The following CABIN1 variants were observed in gnomAD, a reference collection of about 807,000 sequenced individuals.
The protein encoded by CABIN1 is calcineurin binding protein 1.
CABIN1 carries 133 observed loss-of-function variants against 227.7 expected under a neutral mutation model. The ratio of observed to expected loss-of-function variants is 0.58; its 90% CI spans 0.51 to 0.67. The LOEUF is 0.67. CABIN1 is among the 30% of genes least tolerant of loss of function. The pLI is 0.00. For missense variants in CABIN1, 2,408 were observed against 2,852.5 expected, an observed-to-expected ratio of 0.84 and a Z score of 3.55; for synonymous variants, 1,086 against 1,155.1, an observed-to-expected ratio of 0.94 and a Z score of 1.21.
At chr22:24,086,225 C>T (rs919861360) in intron 22 of CABIN1, among the ~76,000 whole-genome samples, 2 of 152,254 alleles carry the variant, frequency 1.3e-5, no homozygotes, top group Non-Finnish European at 2.9e-5. Flanking sequence ...TGAGTGCTTA[C>T]TGCGCCACAG....
In CABIN1 at chr22:24,054,946, C is replaced by T. The variant is rs1364173383; in HGVS notation, c.880C>T (p.Leu294Phe). ...CACCTGTGAGCCCCCACGTCCCAGC[C>T]TTGGCAAAAGGATTGATTTGTCGGA... ...LTTCEPPRPSLGKRIDLSDYQ... is the reference protein window; with the variant it reads ...LTTCEPPRPSFGKRIDLSDYQ... The change falls in exon 9 of 37, where the codon CTT becomes TTT. Residue 294 changes from leucine to phenylalanine, a missense_variant. Leu to Phe is a conservative substitution (Grantham distance 22). Coordinates refer to ENST00000263119, the MANE Select transcript of CABIN1 (RefSeq NM_012295.4). The T allele has an allele frequency of 6.2e-7, 1 of 1,614,250 alleles. No homozygotes were observed. Among genetic ancestry groups the T allele is most frequent in the East Asian group, 2.2e-5 (1 of 44,878 alleles).
intron 20 of CABIN1, among the ~76,000 whole-genome samples, chr22:24,083,795 A>C (rs1247625422): frequency 3.3e-5 from 5 of 152,184 alleles, no homozygotes; most frequent in Admixed American, 3.3e-4. Context: ...AACTACCCTA[A>C]AACCAAAAAA....
chr22:24,067,058 C>A lies in CABIN1; in HGVS notation c.2109C>A (p.Gly703=). 1.9e-6 allele frequency: 3 copies of A among 1,614,156 alleles called. No homozygotes were observed. The highest frequency in any genetic ancestry group is 2.5e-6 in the Non-Finnish European group (3 of 1,180,020). ...AGATTCAGCGGCTGTATGAAGCAGGCGACTACAAGGCTGTTGTGCATCTGC... is the reference window on the plus strand; with the variant it reads ...AGATTCAGCGGCTGTATGAAGCAGGAGACTACAAGGCTGTTGTGCATCTGC... The part of the protein sequence containing the change: ...LEEIQRLYEA[G]DYKAVVHLLR... The change falls in exon 16 of 37, where the codon GGC becomes GGA. Residue 703 remains glycine, a synonymous_variant. Transcript: ENST00000263119.
Position 24,062,035 on chromosome 22 carries a change from A to T in CABIN1, c.1696+10A>T. ...GGCAGAAGCTCTGCAGGTAGGAGGC[A>T]TTATGTGTTCTGTGGCCAGGCTAAT... is the stretch of plus-strand genomic sequence containing the variant. On this transcript the variant is annotated intron_variant, in intron 13 of 36. Transcript: ENST00000263119. 1 of 1,610,646 alleles carries T rather than the reference A, an allele frequency of 6.2e-7. No homozygotes were observed. Among genetic ancestry groups the T allele is most frequent in the Non-Finnish European group, 8.5e-7 (1 of 1,177,278 alleles).
intron 1 of CABIN1, among the ~76,000 whole-genome samples, chr22:24,017,150 C>T (rs2035359082): frequency 6.6e-6 from 1 of 151,326 alleles, no homozygotes; most frequent in African/African-American, 2.4e-5. Context: ...AATTCTCCTG[C>T]CTCAGCCTCC....
intron 26 of CABIN1, among the ~76,000 whole-genome samples, chr22:24,104,142 G>A (rs2042369900): frequency 6.6e-6 from 1 of 152,130 alleles, no homozygotes; most frequent in Admixed American, 6.5e-5. Flanking sequence ...TAGGGAGAGT[G>A]ATGTGGTCAC....
intron 34 of CABIN1, among the ~76,000 whole-genome samples, chr22:24,174,741 C>T (rs1367008900): frequency 6.6e-6 from 1 of 152,094 alleles, no homozygotes; most frequent in Non-Finnish European, 1.5e-5. Flanking sequence ...GGCCTCAGCT[C>T]CTCCTGTGGG....
intron 10 of CABIN1, 22 bp downstream of exon 10, chr22:24,056,382 T>C (rs1466071380): frequency 1.2e-6 from 2 of 1,612,494 alleles, no homozygotes. Context: ...TTTTTCTGAT[T>C]GTCAGAAACA....
intron 30 of CABIN1, 67 bp from the exon 31 acceptor site, chr22:24,165,463 C>A: frequency 7.2e-7 from 1 of 1,397,734 alleles, no homozygotes; most frequent in Non-Finnish European, 1.0e-6. Flanking sequence ...CAGTGGCCAC[C>A]ATCCAGCAGT....
intron 29 of CABIN1, among the ~76,000 whole-genome samples, chr22:24,163,784 G>A (rs2046292707): frequency 1.3e-5 from 2 of 152,214 alleles, no homozygotes; most frequent in South Asian, 4.1e-4. Context: ...TGCTGCAGCA[G>A]GTAAAGCAAG....
At chr22:24,049,368 G>A (rs930102295) in intron 7 of CABIN1, 148 bp downstream of exon 7, 4 of 1,006,146 alleles carry the variant, frequency 4.0e-6, no homozygotes, top group Admixed American at 3.9e-5. Context: ...CTGATCTAGT[G>A]AACTGACCTT....
chr22:24,022,825 TGA>T (rs1388842499), intron 1 of CABIN1, among the ~76,000 whole-genome samples: 1 of 152,226 alleles, frequency 6.6e-6, no homozygotes, highest in Non-Finnish European at 1.5e-5. Flanking sequence ...TAATGATGAA[TGA>T]GGTTGAGCAT....
chr22:24,059,155 T>C, intron 10 of CABIN1, 72 bp from the exon 11 acceptor site: 1 of 1,593,106 alleles, frequency 6.3e-7, no homozygotes, highest in Non-Finnish European at 8.6e-7. Context: ...TTAGTTTCTC[T>C]AACAGGAAGA....
chr22:24,099,464 C>G (rs1243727671), intron 26 of CABIN1, among the ~76,000 whole-genome samples: 2 of 152,150 alleles, frequency 1.3e-5, no homozygotes, highest in Non-Finnish European at 2.9e-5. Flanking sequence ...CATGTCATTA[C>G]TCCCAGTCTC....
At chr22:24,081,614 C>T (rs1363051597) in intron 19 of CABIN1, among the ~76,000 whole-genome samples, 1 of 152,080 alleles carries the variant, frequency 6.6e-6, no homozygotes, top group East Asian at 1.9e-4. Context: ...TAGTTCATTA[C>T]CGCTTTAATA....
intron 24 of CABIN1, 179 bp downstream of exon 24, chr22:24,092,022 G>A (rs1438873460): frequency 1.4e-6 from 1 of 729,198 alleles, no homozygotes; most frequent in Non-Finnish European, 2.2e-6. Flanking sequence ...TTTCCCAAGG[G>A]GTGTTTATCA....
intron 18 of CABIN1, among the ~76,000 whole-genome samples, chr22:24,073,069 A>G (rs144965092): frequency 4.5e-4 from 69 of 152,194 alleles, no homozygotes; most frequent in African/African-American, 1.6e-3. Flanking sequence ...TGCCTGGCTC[A>G]TGGTGGGTGC....
Position 24,167,272 on chromosome 22 carries a change from G to A in CABIN1, c.5641G>A (p.Val1881Met). Residue 1881 changes from valine (V) to methionine (M), a missense_variant, in exon 32 of 37, where the codon GTG becomes ATG. Around this residue, in one of 3 missense-constraint regions of CABIN1, gnomAD observed 714 missense variants for 773.8 expected, o/e 0.92. Coordinates refer to ENST00000263119, the MANE Select transcript of CABIN1 (RefSeq NM_012295.4). ...GGGTGTGGCCTATGACCTGGGCCGTGTGGAGAGGATCATGTCGGAGACCTA... is the reference window on the plus strand; with the variant it reads ...GGGTGTGGCCTATGACCTGGGCCGTATGGAGAGGATCATGTCGGAGACCTA... ...QKGVAYDLGR[V>M]ERIMSETYML... is the part of the protein sequence containing the mutation. 6.2e-7 allele frequency: 1 copy of A among 1,613,408 alleles called. No individual in the cohort carries two copies.
chr22:24,038,470 T>C lies in CABIN1; in HGVS notation c.210+9T>C, dbSNP rs746538280. ...CGAGCCTGCTGCGGGAGGTGAGGCA[T>C]CAGCAGGCCAGGCAGTGTGCCGTGG... is the stretch of plus-strand genomic sequence containing the variant. On this transcript the variant is annotated intron_variant, in intron 4 of 36. Coordinates refer to ENST00000263119, the MANE Select transcript of CABIN1 (RefSeq NM_012295.4). The C allele has an allele frequency of 6.3e-6, 10 of 1,599,046 alleles. No individual in the cohort carries two copies. In the East Asian group the frequency reaches 2.2e-4, roughly 36 times the overall value.
Sources: allele counts gnomAD v4.1 joint callset (sites outside exome capture counted in the v4.1 genomes callset), GRCh38; gene constraint gnomAD v4.1.1; regional missense constraint gnomAD v4.1.1; transcripts MANE v1.5; gene names NCBI Gene and HGNC (gene_info 2026-07-23, HGNC 2026-07-21).